RBFOX1: variants seen among roughly 807,000 people sequenced by gnomAD.
RBFOX1 encodes the protein RNA binding fox-1 homolog 1.
In RBFOX1, 8 loss-of-function variants were observed where a neutral mutation model predicts 57.7. The observed-to-expected ratio is 0.14, with a 90% CI of 0.08 to 0.25. The LOEUF (loss-of-function observed/expected upper bound fraction) is 0.25, where lower values mean the gene tolerates loss of function less well. RBFOX1 is among the 10% of genes least tolerant of loss of function. The pLI, the probability that RBFOX1 is intolerant of heterozygous loss-of-function variation, is 1.00. For synonymous variants in RBFOX1, 326 were observed against 222.4 expected, an observed-to-expected ratio of 1.47 and a Z score of -4.15; for missense variants, 611 against 548.5, an observed-to-expected ratio of 1.11 and a Z score of -1.14.
chr16:7,087,926 C>G (rs1369564603), intron 4 of RBFOX1, among the ~76,000 whole-genome samples: 1 of 152,018 alleles, frequency 6.6e-6, no homozygotes, highest in Non-Finnish European at 1.5e-5. Flanking sequence ...CTCTTTCTCT[C>G]TGATTAATAA....
chr16:6,508,876 A>T (rs536809591), intron 2 of RBFOX1, among the ~76,000 whole-genome samples: 1 of 152,308 alleles, frequency 6.6e-6, no homozygotes, highest in South Asian at 2.1e-4. Flanking sequence ...TAACAAAAAA[A>T]AAAAAATAAA....
At chr16:5,980,444 A>G (rs1005971177) in intron 4 of RBFOX1, among the ~76,000 whole-genome samples, 2 of 152,140 alleles carry the variant, frequency 1.3e-5, no homozygotes, top group Non-Finnish European at 2.9e-5. Flanking sequence ...ATCCTGCAGG[A>G]GGCCGAATTC....
chr16:6,277,458 C>CACAAAAAA (rs2075925042), intron 1 of RBFOX1, among the ~76,000 whole-genome samples: 1 of 80,826 alleles, frequency 1.2e-5, no homozygotes, highest in Non-Finnish European at 2.4e-5. Flanking sequence ...GTCTGTCTCC[C>CACAAAAAA]AAAAAAAAAA....
chr16:6,468,406 C>T (rs763690356), intron 2 of RBFOX1, among the ~76,000 whole-genome samples: 19 of 152,218 alleles, frequency 1.2e-4, no homozygotes, highest in Non-Finnish European at 7.4e-5. Flanking sequence ...TTATAAGCCC[C>T]GCAACGATGT....
chr16:5,293,438 A>G lies in RBFOX1; in HGVS notation c.219+53333A>G, dbSNP rs2063583164. 2.6e-5 allele frequency among the ~76,000 whole-genome samples: 4 copies of G among 152,062 alleles called. No individual in the cohort carries two copies. The South Asian group carries it at 6.2e-4, about 24-fold the overall frequency. ...GGCTGTCTTATTTCATCTGCACCCA[A>G]CCATATCCATTGCTTGTCAGTGGGT... On this transcript the variant is annotated intron_variant, in intron 1 of 2. Transcript: ENST00000585867.
At chr16:6,954,791 G>A (rs371689342) in intron 3 of RBFOX1, among the ~76,000 whole-genome samples, 93 of 152,270 alleles carry the variant, frequency 6.1e-4, no homozygotes, top group African/African-American at 2.0e-3. Context: ...CACCCAGTTT[G>A]AAGGCAGGTA....
chr16:5,579,139 C>T lies in RBFOX1; in HGVS notation c.259-19763C>T, dbSNP rs150363651. ...CTGGGATTAGAGGCATGAGCCACCACGCCTGGCCACACCCCTAATTCTCTA... is the reference window on the plus strand; with the variant it reads ...CTGGGATTAGAGGCATGAGCCACCATGCCTGGCCACACCCCTAATTCTCTA... On this transcript the variant is annotated intron_variant, in intron 2 of 2. Coordinates refer to the RBFOX1 transcript ENST00000585867. 6.4e-4 allele frequency among the ~76,000 whole-genome samples: 97 copies of T among 152,228 alleles called. 2 individuals are homozygous for T. Among genetic ancestry groups the T allele is most frequent in the Admixed American group, 5.6e-3 (86 of 15,288 alleles).
intron 3 of RBFOX1, among the ~76,000 whole-genome samples, chr16:6,774,303 C>G (rs1299208230): frequency 6.6e-6 from 1 of 152,028 alleles, no homozygotes; most frequent in African/African-American, 2.4e-5. Context: ...GAGATGGTGC[C>G]CCTCCAGGAA....
intron 2 of RBFOX1, among the ~76,000 whole-genome samples, chr16:6,453,380 G>A (rs1283816413): frequency 6.6e-6 from 1 of 152,050 alleles, no homozygotes; most frequent in Non-Finnish European, 1.5e-5. Flanking sequence ...TTCTGTTCCT[G>A]TGTTAGTTTG....
At chr16:5,857,846 C>G (rs1435097072) in intron 3 of RBFOX1, among the ~76,000 whole-genome samples, 4 of 151,938 alleles carry the variant, frequency 2.6e-5, no homozygotes, top group Admixed American at 2.0e-4. Flanking sequence ...ACTGGGGAGG[C>G]TGAGGTGGGA....
chr16:7,613,982 A>G (rs2141641845), intron 10 of RBFOX1, among the ~76,000 whole-genome samples: 1 of 152,328 alleles, frequency 6.6e-6, no homozygotes, highest in African/African-American at 2.4e-5. Context: ...TTGGGATGAA[A>G]GAGCACAGTG....
chr16:6,155,188 A>G (rs1247980260), intron 1 of RBFOX1, among the ~76,000 whole-genome samples: 1 of 152,210 alleles, frequency 6.6e-6, no homozygotes, highest in Non-Finnish European at 1.5e-5. Flanking sequence ...AGTCCTTCCC[A>G]TTGACTGCTT....
intron 3 of RBFOX1, among the ~76,000 whole-genome samples, chr16:7,022,301 C>A (rs1026111113): frequency 1.3e-5 from 2 of 151,526 alleles, no homozygotes; most frequent in South Asian, 4.2e-4. Context: ...GATCCACCCA[C>A]CTCAGCCTCC....
chr16:5,811,926 C>G (rs1050519547), intron 3 of RBFOX1, among the ~76,000 whole-genome samples: 1 of 152,196 alleles, frequency 6.6e-6, no homozygotes, highest in South Asian at 2.1e-4. Flanking sequence ...AGTTAATCTA[C>G]TCTCCCTCAA....
chr16:6,558,178 G>C (rs1011041120), intron 2 of RBFOX1, among the ~76,000 whole-genome samples: 1 of 152,164 alleles, frequency 6.6e-6, no homozygotes, highest in Non-Finnish European at 1.5e-5. Flanking sequence ...GTGCGATAGA[G>C]CTGGAGCGTA....
intron 4 of RBFOX1, among the ~76,000 whole-genome samples, chr16:7,070,281 A>G (rs568826362): frequency 2.6e-5 from 4 of 152,152 alleles, no homozygotes; most frequent in South Asian, 2.1e-4. Context: ...TACTTGCCTC[A>G]GTGTGGTTTC....
chr16:5,468,538 A>G (rs998638101), intron 2 of RBFOX1, among the ~76,000 whole-genome samples: 3 of 152,310 alleles, frequency 2.0e-5, no homozygotes, highest in African/African-American at 2.4e-5. Flanking sequence ...TGGCCCAGCA[A>G]TTTCACTCCT....
intron 4 of RBFOX1, among the ~76,000 whole-genome samples, chr16:5,908,696 T>A (rs912160328): frequency 1.3e-5 from 2 of 152,028 alleles, no homozygotes; most frequent in Non-Finnish European, 2.9e-5. Flanking sequence ...AGACTCTTAG[T>A]TTCAATTCGA....
chr16:7,200,201 T>A (rs9935590), intron 4 of RBFOX1, among the ~76,000 whole-genome samples: 6,821 of 152,280 alleles, frequency 0.045, 491 homozygotes, highest in African/African-American at 0.16. Context: ...GTAGTGACTT[T>A]TAGAAAGGAA....
Sources: gnomAD v4.1 joint callset for allele counts (sites outside exome capture counted in the v4.1 genomes callset) on GRCh38, gnomAD v4.1.1 for gene constraint, MANE v1.5 for transcripts, NCBI Gene and HGNC (gene_info 2026-07-23, HGNC 2026-07-21) for gene names.